The following TTI2 variants were observed in gnomAD, a reference collection of about 807,000 sequenced individuals.
The protein encoded by TTI2 is TELO2-interacting protein 2.
A neutral mutation model predicts 44.9 loss-of-function variants in TTI2; 26 were observed. That is an observed-to-expected ratio of 0.58 (90% CI 0.42 to 0.80). The LOEUF (loss-of-function observed/expected upper bound fraction) is 0.80, where lower values mean the gene tolerates loss of function less well. Ranked by LOEUF, TTI2 falls within the 30% of genes least tolerant of loss-of-function variation. TTI2 has a pLI of 0.00. For missense variants in TTI2, 582 were observed against 611.6 expected (o/e 0.95, Z 0.51); for synonymous variants, 254 against 250.9 (o/e 1.01, Z -0.12).
chr8:33,510,734 C>T (rs1809496186), intron 2 of TTI2, among the ~76,000 whole-genome samples: 1 of 152,132 alleles, frequency 6.6e-6, no homozygotes. Flanking sequence ...TAATCTGGTC[C>T]TACTCAGAGC....
chr8:33,508,628 A>T (rs1029172413), intron 3 of TTI2, among the ~76,000 whole-genome samples: 1 of 150,748 alleles, frequency 6.6e-6, no homozygotes, highest in Non-Finnish European at 1.5e-5. Flanking sequence ...AAAAAAAAAA[A>T]AAAAAAAAAA....
At position 33,509,816 on chromosome 8, in the gene TTI2, A is replaced by G. The variant is rs1809451768; in HGVS notation, c.764T>C (p.Ile255Thr). The G allele has an allele frequency of 6.2e-7, 1 of 1,614,172 alleles. No individual in the cohort carries two copies. The highest frequency in any genetic ancestry group is 8.5e-7 in the Non-Finnish European group (1 of 1,180,034). ...LERVLPASLV[I>T]SDDYQTENKI... The stretch of plus-strand genomic sequence containing the variant: ...GTTCTCAGTCTGATAGTCATCTGAA[A>G]TGACCAATGATGCGGGAAGTACCCT... Residue 255 changes from isoleucine to threonine, a missense_variant, in exon 3 of 8, where the codon ATT (isoleucine) becomes ACT (threonine). Ile to Thr is a moderately conservative substitution (Grantham distance 89, BLOSUM62 -1). Coordinates refer to ENST00000431156, the MANE Select transcript of TTI2 (RefSeq NM_001102401.4).
rs1418754625 is a variant in TTI2 at position 33,509,773 on chromosome 8, G to A, written c.807C>T (p.His269=). ...YQTENKILGV[H]CLHHIVLNVP... is the part of the protein sequence containing the mutation. The stretch of plus-strand genomic sequence containing the variant: ...CATTAAGCACAATGTGATGGAGACA[G>A]TGTACACCCAGGATTTTGTTCTCAG... Residue 269 remains histidine, a synonymous_variant, in exon 3 of 8, where the codon CAC becomes CAT. Transcript: ENST00000431156. The A allele has an allele frequency of 6.2e-7, 1 of 1,614,144 alleles. No homozygotes were observed. The highest frequency in any genetic ancestry group is 1.7e-5 in the Admixed American group (1 of 60,004).
At chr8:33,509,979 C>CAAAAAAAAAAAAAAAAAAAAA in intron 2 of TTI2, 47 bp from the exon 3 acceptor site, 2 of 416,694 alleles carry the variant, frequency 4.8e-6, no homozygotes, top group South Asian at 2.5e-5. Context: ...TGATAAGTAG[C>CAAAAAAAAAAAAAAAAAAAAA]AAAAAAAAAA....
chr8:33,510,730 G>C (rs1809495953), intron 2 of TTI2, among the ~76,000 whole-genome samples: 1 of 152,092 alleles, frequency 6.6e-6, no homozygotes, highest in South Asian at 2.1e-4. Context: ...TGTCTAATCT[G>C]GTCCTACTCA....
chr8:33,513,012 G>GA (rs1046926302), intron 1 of TTI2, 70 bp downstream of exon 1: 7 of 158,220 alleles, frequency 4.4e-5, no homozygotes, highest in South Asian at 3.3e-4. Flanking sequence ...AGACTAAAAA[G>GA]AAAAAAAACT....
chr8:33,509,824 T>A lies in TTI2; in HGVS notation c.756A>T (p.Ser252=). 6.2e-7 allele frequency: 1 copy of A among 1,614,118 alleles called. No homozygotes were observed. The highest frequency in any genetic ancestry group is 8.5e-7 in the Non-Finnish European group (1 of 1,180,014). ...TCTGATAGTCATCTGAAATGACCAA[T>A]GATGCGGGAAGTACCCTTTCCAGAT... The part of the protein sequence containing the change: ...SQHLERVLPA[S]LVISDDYQTE... Residue 252 remains serine, a synonymous_variant, in exon 3 of 8, where the codon TCA becomes TCT. Coordinates refer to ENST00000431156, the MANE Select transcript of TTI2 (RefSeq NM_001102401.4).
chr8:33,500,415 A>G lies in TTI2; in HGVS notation c.1335T>C (p.Leu445=), dbSNP rs766398137. Residue 445 remains leucine, a synonymous_variant, in exon 7 of 8, where the codon CTT becomes CTC. Transcript: ENST00000431156. ...LICDVARDPN[L]TPESVKSALL... ...GGGCGCTCTTAACAGACTCAGGTGT[A>G]AGGTTTGGATCCCTTGCTACATCAC... 1.2e-6 allele frequency: 2 copies of G among 1,614,140 alleles called. No homozygotes were observed. Among genetic ancestry groups the G allele is most frequent in the Non-Finnish European group, 1.7e-6 (2 of 1,180,014 alleles).
chr8:33,509,979 CAAAAAAAAAAA>C, intron 2 of TTI2, 47 bp from the exon 3 acceptor site: 1 of 416,694 alleles, frequency 2.4e-6, no homozygotes. Flanking sequence ...TGATAAGTAG[CAAAAAAAAAAA>C]AAAAAAAAAC....
At chr8:33,507,424 G>T in intron 3 of TTI2, 103 bp from the exon 4 acceptor site, 1 of 971,858 alleles carries the variant, frequency 1.0e-6, no homozygotes, top group Non-Finnish European at 1.6e-6. Context: ...TGAAGAACAT[G>T]CCATCCCAAA....
chr8:33,509,656 T>G, intron 3 of TTI2, 90 bp downstream of exon 3: 1 of 1,308,842 alleles, frequency 7.6e-7, no homozygotes, highest in Non-Finnish European at 1.1e-6. Flanking sequence ...TAAGTAAAGT[T>G]GAATGACTTA....
At chr8:33,504,674 CA>C (rs1045447374) in intron 4 of TTI2, among the ~76,000 whole-genome samples, 143 of 151,522 alleles carry the variant, frequency 9.4e-4, no homozygotes, top group African/African-American at 3.4e-3. Flanking sequence ...AAAAAAAATG[CA>C]AAAAAAATCT....
chr8:33,498,745 A>G lies in TTI2; in HGVS notation c.*428T>C, dbSNP rs756108590. The G allele has an allele frequency of 1.0e-5, 9 of 865,620 alleles. No individual in the cohort carries two copies. Among genetic ancestry groups the G allele is most frequent in the Non-Finnish European group, 1.4e-5 (8 of 566,036 alleles). 53.6% of individuals were successfully genotyped at this position (865,620 alleles called of 1,614,324 possible). On this transcript the variant is annotated 3_prime_UTR_variant, in exon 8 of 8. Transcript: ENST00000431156. ...GCTCTTTTGTGTTGTACTGAACACA[A>G]TATTTGTGTTTTTATTATTTATGCC...
intron 4 of TTI2, among the ~76,000 whole-genome samples, chr8:33,506,317 A>T (rs7826311): frequency 0.62 from 94,582 of 151,618 alleles, 29,779 homozygotes; most frequent in Non-Finnish European, 0.64. Context: ...TGTGCTGATA[A>T]AAGGCAAAAC....
chr8:33,508,082 G>A (rs1441363286), intron 3 of TTI2, among the ~76,000 whole-genome samples: 1 of 80,826 alleles, frequency 1.2e-5, no homozygotes, highest in Non-Finnish European at 2.3e-5. Flanking sequence ...TGTGGCTAGC[G>A]GTAGTAAAAA....
chr8:33,509,956 T>A, intron 2 of TTI2, 24 bp from the exon 3 acceptor site: 1 of 1,374,140 alleles, frequency 7.3e-7, no homozygotes. Flanking sequence ...TAGAATTACA[T>A]TAAGTGACAT....
At chr8:33,504,958 T>G (rs943993541) in intron 4 of TTI2, among the ~76,000 whole-genome samples, 1 of 152,192 alleles carries the variant, frequency 6.6e-6, no homozygotes, top group Non-Finnish European at 1.5e-5. Context: ...TGCAGTGGCC[T>G]ATGCCTGTAA....
At chr8:33,499,750 A>G (rs1325107872) in intron 7 of TTI2, 13 of 164,192 alleles carry the variant, frequency 7.9e-5, no homozygotes, top group Admixed American at 7.7e-4. Flanking sequence ...TCAACTAAAG[A>G]TTTCTAAAAG....
chr8:33,498,997 A>G lies in TTI2; in HGVS notation c.*176T>C, dbSNP rs893825049. On this transcript the variant is annotated 3_prime_UTR_variant, in exon 8 of 8. Transcript: ENST00000431156. ...TTTATTTAGAAATGGAAGGAGTTCA[A>G]TTTTTTCTTGTTCTACTTTCCCTAT... The G allele has an allele frequency of 1.6e-4, 101 of 623,544 alleles. 1 individual carries two copies. The highest frequency in any genetic ancestry group is 2.1e-4 in the Non-Finnish European group (76 of 357,948). 38.6% of individuals were successfully genotyped at this position (623,544 alleles called of 1,614,324 possible).
Sources: gnomAD v4.1 joint callset for allele counts (sites outside exome capture counted in the v4.1 genomes callset) on GRCh38, gnomAD v4.1.1 for gene constraint, MANE v1.5 for transcripts, NCBI Gene and HGNC (gene_info 2026-07-23, HGNC 2026-07-21) for gene names.